Variants in ARSB observed in about 807,000 individuals in gnomAD.
The protein encoded by ARSB is N-acetylgalactosamine-4-sulfatase.
In ARSB, 41 loss-of-function variants were observed where a neutral mutation model predicts 50.9. The ratio of observed to expected loss-of-function variants is 0.81; its 90% confidence interval spans 0.63 to 1.04. The LOEUF is 1.04. Ranked by LOEUF, ARSB falls within the 50% of genes least tolerant of loss-of-function variation. ARSB has a pLI of 0.00. For synonymous variants in ARSB, 269 were observed against 284.8 expected, an observed-to-expected ratio of 0.94 and a Z score of 0.56; for missense variants, 672 against 693.3, an observed-to-expected ratio of 0.97 and a Z score of 0.35.
intron 5 of ARSB, among the ~76,000 whole-genome samples, chr5:78,852,990 C>A (rs952173865): frequency 6.6e-6 from 1 of 152,128 alleles, no homozygotes; most frequent in African/African-American, 2.4e-5. Flanking sequence ...AACTTCTTTG[C>A]CTTTGGTTTG....
intron 4 of ARSB, among the ~76,000 whole-genome samples, chr5:78,907,659 G>C (rs1481358329): frequency 6.6e-6 from 1 of 152,154 alleles, no homozygotes; most frequent in African/African-American, 2.4e-5. Flanking sequence ...TATTCAGGAA[G>C]GCTTTGCGTG....
intron 1 of ARSB, among the ~76,000 whole-genome samples, chr5:78,970,439 T>C (rs1752404270): frequency 6.6e-6 from 1 of 152,232 alleles, no homozygotes; most frequent in Non-Finnish European, 1.5e-5. Context: ...AAAAAATTTA[T>C]AATTTGTTTT....
chr5:78,956,136 T>C (rs1339533628), intron 3 of ARSB, among the ~76,000 whole-genome samples: 1 of 152,180 alleles, frequency 6.6e-6, no homozygotes, highest in Non-Finnish European at 1.5e-5. Flanking sequence ...CATCTATCAA[T>C]TGATGAATGG....
chr5:78,951,662 C>A (rs1476473381), intron 4 of ARSB, among the ~76,000 whole-genome samples: 1 of 152,130 alleles, frequency 6.6e-6, no homozygotes, highest in Non-Finnish European at 1.5e-5. Flanking sequence ...TCTCAGCATG[C>A]AGTTTCAGGG....
chr5:78,801,289 T>C lies in ARSB; in HGVS notation c.1214-19315A>G, dbSNP rs562001148. Among the ~76,000 whole-genome samples the C allele has an allele frequency of 4.2e-4, 64 of 152,246 alleles. No homozygotes were observed. In the South Asian group the frequency reaches 0.013, roughly 32 times the overall value. On this transcript the variant is annotated intron_variant, in intron 6 of 7. Transcript: ENST00000264914. ...GGAAGGGGATAGTCTACATTGTAAA[T>C]ACGTACCTTAGCATTCTGTATCAGA...
At chr5:78,873,757 A>T (rs1375183315) in intron 5 of ARSB, among the ~76,000 whole-genome samples, 1 of 152,024 alleles carries the variant, frequency 6.6e-6, no homozygotes, top group Admixed American at 6.6e-5. Flanking sequence ...GGCCTCCCAA[A>T]GTGCTGGGAT....
rs1378777098 is a variant in ARSB at position 78,818,694 on chromosome 5, T to C, written c.1213+20662A>G. On this transcript the variant is annotated intron_variant, in intron 6 of 7. Coordinates refer to ENST00000264914, the MANE Select transcript of ARSB (RefSeq NM_000046.5). The stretch of plus-strand genomic sequence containing the variant: ...TGGCGTGATCTCAATCTCGGCTCAC[T>C]GCAAGCTCCGCCTCCTGGGTCCATG... Among the ~76,000 whole-genome samples, 66 of 134,422 alleles carry C rather than the reference T, an allele frequency of 4.9e-4. No homozygotes were observed. In the Admixed American group the frequency reaches 5.9e-3, roughly 12 times the overall value. The allele number at this position is 134,422 out of a possible 152,430, so 88.2% of individuals were successfully genotyped here.
intron 4 of ARSB, among the ~76,000 whole-genome samples, chr5:78,952,015 A>G (rs998623393): frequency 1.3e-5 from 2 of 152,186 alleles, no homozygotes; most frequent in Non-Finnish European, 2.9e-5. Flanking sequence ...ATAAAAATAC[A>G]TAGGCACGGT....
rs112616670 is a variant in ARSB, at chr5:78,781,596, G to T, written c.1336+256C>A. On this transcript the variant is annotated intron_variant, in intron 7 of 7. Coordinates refer to ENST00000264914, the MANE Select transcript of ARSB (RefSeq NM_000046.5). Reference sequence around the variant, plus strand: ...ACATATATCAGGAGGGATCATGAAAGATTAGAAAGACAAATTAAGATTTCA... The same window carrying T: ...ACATATATCAGGAGGGATCATGAAATATTAGAAAGACAAATTAAGATTTCA... 3.3e-3 allele frequency among the ~76,000 whole-genome samples: 509 copies of T among 152,240 alleles called. 4 individuals carry two copies. The highest frequency in any genetic ancestry group is 0.012 in the African/African-American group (486 of 41,546).
At chr5:78,958,243 G>C (rs1751822614) in intron 3 of ARSB, among the ~76,000 whole-genome samples, 1 of 152,076 alleles carries the variant, frequency 6.6e-6, no homozygotes, top group Admixed American at 6.6e-5. Context: ...AGGGGGCAGG[G>C]GATACAGTGG....
chr5:78,861,734 T>G (rs1746446604), intron 5 of ARSB, among the ~76,000 whole-genome samples: 1 of 152,142 alleles, frequency 6.6e-6, no homozygotes, highest in Non-Finnish European at 1.5e-5. Context: ...ACCACTCCTA[T>G]TCAATATAAT....
intron 4 of ARSB, among the ~76,000 whole-genome samples, chr5:78,921,290 C>T (rs1580063041): frequency 6.6e-6 from 1 of 152,072 alleles, no homozygotes; most frequent in East Asian, 1.9e-4. Flanking sequence ...AAAACAATAC[C>T]CACTGGGCAC....
intron 5 of ARSB, among the ~76,000 whole-genome samples, chr5:78,869,893 T>C (rs1747034672): frequency 6.6e-6 from 1 of 150,474 alleles, no homozygotes; most frequent in South Asian, 2.1e-4. Context: ...TTTGAAAGGA[T>C]CAACAAAATT....
At chr5:78,957,284 G>A (rs79891751) in intron 3 of ARSB, among the ~76,000 whole-genome samples, 4 of 152,076 alleles carry the variant, frequency 2.6e-5, no homozygotes, top group South Asian at 2.1e-4. Flanking sequence ...AGACTTTGGT[G>A]GGGGGGTGGT....
chr5:78,783,747 C>G (rs1444644889), intron 6 of ARSB, among the ~76,000 whole-genome samples: 1 of 151,666 alleles, frequency 6.6e-6, no homozygotes, highest in Non-Finnish European at 1.5e-5. Flanking sequence ...TGAACACAAA[C>G]AAAAAAAGGA....
At chr5:78,839,669 G>T (rs948372826) in intron 5 of ARSB, among the ~76,000 whole-genome samples, 8 of 152,110 alleles carry the variant, frequency 5.3e-5, no homozygotes, top group Non-Finnish European at 1.2e-4. Flanking sequence ...TTTAAAAAAT[G>T]ATTCTGGGAC....
At chr5:78,873,249 A>G (rs1747312521) in intron 5 of ARSB, among the ~76,000 whole-genome samples, 1 of 152,072 alleles carries the variant, frequency 6.6e-6, no homozygotes, top group East Asian at 1.9e-4. Context: ...GGGAACTGGG[A>G]AAAAAAGGAC....
intron 2 of ARSB, 113 bp downstream of exon 2, chr5:78,968,893 G>A: frequency 1.6e-6 from 2 of 1,251,380 alleles, no homozygotes; most frequent in Non-Finnish European, 2.3e-6. Context: ...AGTGCCGACT[G>A]ATTCACTCTG....
chr5:78,869,115 A>G (rs866002366), intron 5 of ARSB, among the ~76,000 whole-genome samples: 1 of 147,388 alleles, frequency 6.8e-6, no homozygotes, highest in South Asian at 2.2e-4. Flanking sequence ...AGAGCTAACT[A>G]TCCTAAATAT....
Sources: gnomAD v4.1 joint callset for allele counts (sites outside exome capture counted in the v4.1 genomes callset) on GRCh38, gnomAD v4.1.1 for gene constraint, MANE v1.5 for transcripts, NCBI Gene and HGNC (gene_info 2026-07-23, HGNC 2026-07-21) for gene names.